The following PPP2R5E variants were observed in gnomAD, a reference collection of about 807,000 sequenced individuals.
The protein encoded by PPP2R5E is protein phosphatase 2 regulatory subunit B'epsilon, also known as serine/threonine-protein phosphatase 2A 56 kDa regulatory subunit epsilon isoform.
A neutral mutation model predicts 65.3 loss-of-function variants in PPP2R5E; 4 were observed. The ratio of observed to expected loss-of-function variants is 0.06; its 90% CI spans 0.03 to 0.14. PPP2R5E has a LOEUF of 0.14. PPP2R5E is among the 10% of genes least tolerant of loss of function. The pLI, the probability that PPP2R5E is intolerant of heterozygous loss-of-function variation, is 1.00. For synonymous variants in PPP2R5E, 183 were observed against 187.4 expected, an observed-to-expected ratio of 0.98 and a Z score of 0.19; for missense variants, 274 against 556.1, an observed-to-expected ratio of 0.49 and a Z score of 5.10.
chr14:63,464,838 C>A (rs559932504), intron 2 of PPP2R5E, among the ~76,000 whole-genome samples: 5 of 152,130 alleles, frequency 3.3e-5, no homozygotes, highest in African/African-American at 7.2e-5. Flanking sequence ...GCCTGGCCAA[C>A]ATGGTGAAAC....
At chr14:63,463,627 A>C (rs10137259) in intron 2 of PPP2R5E, among the ~76,000 whole-genome samples, 48,954 of 148,086 alleles carry the variant, frequency 0.33, 10,682 homozygotes, top group African/African-American at 0.63. Flanking sequence ...TACGGAGTCT[A>C]GCTCTGTCAC....
intron 3 of PPP2R5E, among the ~76,000 whole-genome samples, chr14:63,434,764 AT>A (rs1406082151): frequency 6.6e-6 from 1 of 152,120 alleles, no homozygotes; most frequent in African/African-American, 2.4e-5. Flanking sequence ...GAAGTTCACT[AT>A]TTTTTTAACC....
At chr14:63,403,909 AT>A (rs1885913039) in intron 5 of PPP2R5E, among the ~76,000 whole-genome samples, 1 of 152,240 alleles carries the variant, frequency 6.6e-6, no homozygotes, top group South Asian at 2.1e-4. Context: ...GATATAACAA[AT>A]GTAGAGAGGG....
intron 3 of PPP2R5E, among the ~76,000 whole-genome samples, chr14:63,430,038 G>A (rs781263500): frequency 1.6e-4 from 25 of 151,908 alleles, no homozygotes; most frequent in Admixed American, 2.6e-4. Context: ...AAGTAGATAC[G>A]GTGAAATTGA....
intron 5 of PPP2R5E, among the ~76,000 whole-genome samples, chr14:63,409,282 C>G (rs1334166940): frequency 6.6e-6 from 1 of 151,880 alleles, no homozygotes; most frequent in Non-Finnish European, 1.5e-5. Context: ...TGGTGCACGT[C>G]TGTAATCCCA....
chr14:63,450,207 CCT>C (rs1045968837), intron 3 of PPP2R5E, among the ~76,000 whole-genome samples: 22 of 152,258 alleles, frequency 1.4e-4, no homozygotes, highest in African/African-American at 5.3e-4. Context: ...CATAATATCC[CCT>C]TTCTGTAAAT....
At chr14:63,524,242 A>C (rs1163483301) in intron 2 of PPP2R5E, among the ~76,000 whole-genome samples, 1 of 152,250 alleles carries the variant, frequency 6.6e-6, no homozygotes, top group Non-Finnish European at 1.5e-5. Flanking sequence ...TGGTGCCTAC[A>C]TAACGGATGA....
At chr14:63,516,193 C>T (rs1224159279) in intron 2 of PPP2R5E, among the ~76,000 whole-genome samples, 1 of 152,118 alleles carries the variant, frequency 6.6e-6, no homozygotes, top group East Asian at 1.9e-4. Flanking sequence ...GAAAATTCCA[C>T]AAGGGTGAAT....
At chr14:63,437,217 T>C (rs1887990791) in intron 3 of PPP2R5E, among the ~76,000 whole-genome samples, 1 of 152,198 alleles carries the variant, frequency 6.6e-6, no homozygotes, top group Non-Finnish European at 1.5e-5. Flanking sequence ...GGGAACTACC[T>C]ATCTCTTTCC....
At chr14:63,463,592 C>T (rs555856274) in intron 2 of PPP2R5E, among the ~76,000 whole-genome samples, 23 of 150,070 alleles carry the variant, frequency 1.5e-4, no homozygotes, top group Admixed American at 1.5e-3. Flanking sequence ...ATTTAAAACT[C>T]GAATTCGCTT....
intron 2 of PPP2R5E, among the ~76,000 whole-genome samples, chr14:63,461,227 T>C (rs1254476143): frequency 2.6e-5 from 4 of 152,094 alleles, no homozygotes; most frequent in African/African-American, 9.7e-5. Flanking sequence ...TATGAGGAAT[T>C]CCTAGAGCTT....
chr14:63,373,935 T>C lies in PPP2R5E; in HGVS notation c.*2074A>G, dbSNP rs552584499. 1.3e-5 allele frequency: 2 copies of C among 152,180 alleles called. No individual in the cohort carries two copies. Among genetic ancestry groups the C allele is most frequent in the South Asian group, 2.1e-4 (1 of 4,822 alleles). The allele number at this position is 152,180 out of a possible 1,614,324, so 9.4% of individuals were successfully genotyped here. A position where few individuals can be genotyped will look rare whatever the true frequency, so the allele number is the denominator to read the frequency against. Reference sequence around the variant, plus strand: ...ATTTTTTATCACATTGTTCCAGCATTTTTAAAGTCAGTTGTTTCGTCTTTG... The same window carrying C: ...ATTTTTTATCACATTGTTCCAGCATCTTTAAAGTCAGTTGTTTCGTCTTTG... On this transcript the variant is annotated 3_prime_UTR_variant, in exon 14 of 14. Transcript: ENST00000337537.
chr14:63,451,823 CA>C (rs1480944600), intron 3 of PPP2R5E: 1 of 152,048 alleles, frequency 6.6e-6, no homozygotes, highest in Non-Finnish European at 1.5e-5. Flanking sequence ...TGTGCAGGGA[CA>C]GGGGCATATG....
intron 10 of PPP2R5E, 133 bp from the exon 11 acceptor site, chr14:63,389,864 C>T: frequency 2.1e-6 from 2 of 962,912 alleles, no homozygotes; most frequent in South Asian, 2.1e-5. Context: ...ATGAACCAGT[C>T]ATTATCCCAT....
chr14:63,512,078 T>TAAAA (rs57623942), intron 2 of PPP2R5E, among the ~76,000 whole-genome samples: 3 of 87,074 alleles, frequency 3.4e-5, no homozygotes, highest in Admixed American at 3.1e-4. Context: ...GACTCTGCGG[T>TAAAA]AAAAAAAAAA....
At chr14:63,436,332 A>G (rs368590067) in intron 3 of PPP2R5E, among the ~76,000 whole-genome samples, 5 of 152,202 alleles carry the variant, frequency 3.3e-5, no homozygotes, top group Non-Finnish European at 5.9e-5. Context: ...GCATACACAA[A>G]ACATTTGAGG....
intron 4 of PPP2R5E, among the ~76,000 whole-genome samples, chr14:63,421,673 A>G (rs1887031833): frequency 6.6e-6 from 1 of 152,232 alleles, no homozygotes; most frequent in Non-Finnish European, 1.5e-5. Context: ...CATCCAACTA[A>G]TGCTAATGTG....
At chr14:63,524,308 T>C (rs1028645584) in intron 2 of PPP2R5E, among the ~76,000 whole-genome samples, 1 of 152,122 alleles carries the variant, frequency 6.6e-6, no homozygotes, top group African/African-American at 2.4e-5. Flanking sequence ...AAGATCCAGG[T>C]CCACAGGGCT....
chr14:63,494,567 CA>C (rs1017622806), intron 2 of PPP2R5E, among the ~76,000 whole-genome samples: 14 of 149,224 alleles, frequency 9.4e-5, no homozygotes, highest in South Asian at 2.1e-4. Flanking sequence ...AAAAGACAAC[CA>C]AAAAAAAATG....
Sources: gnomAD v4.1 joint callset for allele counts (sites outside exome capture counted in the v4.1 genomes callset) on GRCh38, gnomAD v4.1.1 for gene constraint, MANE v1.5 for transcripts, NCBI Gene and HGNC (gene_info 2026-07-23, HGNC 2026-07-21) for gene names.